Variants in CEP112 observed in about 807,000 individuals in gnomAD.
The protein encoded by CEP112 is centrosomal protein 112, also known as centrosomal protein of 112 kDa.
Under a neutral mutation model 153.0 loss-of-function variants are expected in CEP112, and 127 were observed. The observed-to-expected ratio is 0.83, with a 90% CI of 0.72 to 0.96. CEP112 has a LOEUF of 0.96. Ranked by LOEUF, CEP112 falls within the 40% of genes least tolerant of loss-of-function variation. CEP112 has a pLI of 0.00. For missense variants in CEP112, 1,089 were observed against 1,101.2 expected (o/e 0.99, Z 0.16); for synonymous variants, 358 against 374.4 (o/e 0.96, Z 0.51).
intron 21 of CEP112, among the ~76,000 whole-genome samples, chr17:65,828,493 C>T (rs1446768855): frequency 6.6e-6 from 1 of 152,188 alleles, no homozygotes; most frequent in Non-Finnish European, 1.5e-5. Context: ...TCTCACTAGT[C>T]AGCCTAGGTT....
chr17:65,724,240 T>C (rs2050051966), intron 23 of CEP112, among the ~76,000 whole-genome samples: 1 of 152,190 alleles, frequency 6.6e-6, no homozygotes, highest in Non-Finnish European at 1.5e-5. Flanking sequence ...CTGGTCTTTT[T>C]GGGTGGCAGG....
intron 5 of CEP112, among the ~76,000 whole-genome samples, chr17:66,130,688 A>G (rs1268812239): frequency 6.8e-6 from 1 of 146,680 alleles, no homozygotes; most frequent in Non-Finnish European, 1.5e-5. Context: ...AGGCAGGAGA[A>G]TGGTGTGAAC....
chr17:66,051,910 C>G (rs2319117), intron 12 of CEP112, among the ~76,000 whole-genome samples: 1 of 151,940 alleles, frequency 6.6e-6, no homozygotes, highest in Non-Finnish European at 1.5e-5. Flanking sequence ...ATCATTAATT[C>G]AAAAATGCAT....
chr17:66,080,767 G>T (rs2067683285), intron 8 of CEP112, among the ~76,000 whole-genome samples: 1 of 152,082 alleles, frequency 6.6e-6, no homozygotes, highest in Admixed American at 6.5e-5. Flanking sequence ...CAACCCAAAT[G>T]CCCATCAATG....
chr17:65,873,378 C>T (rs2058726348), intron 20 of CEP112: 1 of 152,164 alleles, frequency 6.6e-6, no homozygotes, highest in African/African-American at 2.4e-5. Flanking sequence ...GCTTTAACTA[C>T]CTGGACTCTT....
At chr17:65,649,073 A>C (rs866861289) in intron 24 of CEP112, among the ~76,000 whole-genome samples, 37 of 139,966 alleles carry the variant, frequency 2.6e-4, no homozygotes, top group Middle Eastern at 3.8e-3. Context: ...CAAACAAACA[A>C]ACACACACAC....
chr17:65,832,627 C>T (rs1380309075), intron 21 of CEP112, among the ~76,000 whole-genome samples: 1 of 151,258 alleles, frequency 6.6e-6, no homozygotes, highest in African/African-American at 2.5e-5. Context: ...TTCCTGGACA[C>T]ATACATCCTG....
intron 8 of CEP112, among the ~76,000 whole-genome samples, chr17:66,090,587 A>G (rs180686097): frequency 2.2e-4 from 33 of 152,210 alleles, no homozygotes; most frequent in African/African-American, 7.9e-4. Flanking sequence ...GCATACCACT[A>G]CAGAAATTCA....
intron 12 of CEP112, 79 bp from the exon 13 acceptor site, chr17:66,030,102 C>A: frequency 2.6e-6 from 3 of 1,137,794 alleles, no homozygotes; most frequent in Admixed American, 2.3e-5. Flanking sequence ...TTGAGGAACA[C>A]GTATAATCTA....
At chr17:65,678,785 T>C (rs1262857668) in intron 24 of CEP112, among the ~76,000 whole-genome samples, 2 of 152,174 alleles carry the variant, frequency 1.3e-5, no homozygotes, top group Non-Finnish European at 1.5e-5. Context: ...ATTTGATATG[T>C]CAGCAAAGCA....
At chr17:65,845,045 T>A (rs978300225) in intron 21 of CEP112, among the ~76,000 whole-genome samples, 1 of 151,910 alleles carries the variant, frequency 6.6e-6, no homozygotes, top group Non-Finnish European at 1.5e-5. Flanking sequence ...AAAGGCCGGA[T>A]GAGGTGGCTC....
At chr17:66,181,033 GTAAA>G (rs1156899577) in intron 2 of CEP112, among the ~76,000 whole-genome samples, 1 of 152,082 alleles carries the variant, frequency 6.6e-6, no homozygotes, top group Non-Finnish European at 1.5e-5. Context: ...ATAAACTTAA[GTAAA>G]TAGTTTTTCA....
intron 24 of CEP112, among the ~76,000 whole-genome samples, chr17:65,651,204 C>T (rs2045754012): frequency 6.6e-6 from 1 of 152,168 alleles, no homozygotes; most frequent in Admixed American, 6.5e-5. Context: ...TTTTCCATCC[C>T]TGAGTTACTT....
chr17:66,107,181 C>T (rs574456076), intron 6 of CEP112, among the ~76,000 whole-genome samples: 11 of 152,114 alleles, frequency 7.2e-5, no homozygotes, highest in African/African-American at 2.6e-4. Flanking sequence ...ACCCACAGCT[C>T]ATATCTATAT....
At chr17:66,155,461 T>A (rs4369719) in intron 4 of CEP112, among the ~76,000 whole-genome samples, 24,437 of 151,420 alleles carry the variant, frequency 0.16, 3,225 homozygotes, top group East Asian at 0.73. Flanking sequence ...CAAAACTGGG[T>A]GGCTGTTTGG....
At chr17:65,820,100 A>C (rs1405390359) in intron 21 of CEP112, among the ~76,000 whole-genome samples, 3 of 152,104 alleles carry the variant, frequency 2.0e-5, no homozygotes, top group African/African-American at 7.2e-5. Flanking sequence ...AAAGTTTAAA[A>C]ACAAAAATGT....
intron 12 of CEP112, among the ~76,000 whole-genome samples, chr17:66,051,653 G>A (rs1053692331): frequency 3.3e-5 from 5 of 152,078 alleles, no homozygotes; most frequent in Admixed American, 2.0e-4. Flanking sequence ...AGGGTGCAAG[G>A]TAACACACTC....
In CEP112 at chr17:66,066,839, T is replaced by C. The variant is rs755041322; in HGVS notation, c.894A>G (p.Lys298=). The C allele has an allele frequency of 2.8e-5, 44 of 1,548,494 alleles. No homozygotes were observed. The Admixed American group carries it at 9.3e-4, about 33-fold the overall frequency. ...ERKNNEIEEL[K]TLYRSKQHET... ...CATGTTGTTTACTCCTGTATAAAGTTTTCAGTTCTTCTATTTCATTATTCT... is the reference window on the plus strand; with the variant it reads ...CATGTTGTTTACTCCTGTATAAAGTCTTCAGTTCTTCTATTTCATTATTCT... The change falls in exon 10 of 27, where the codon AAA becomes AAG. Residue 298 remains lysine (K), a synonymous_variant. Coordinates refer to ENST00000535342, the MANE Select transcript of CEP112 (RefSeq NM_001199165.4).
intron 5 of CEP112, among the ~76,000 whole-genome samples, chr17:66,132,206 C>CAAAAAAA (rs2070214653): frequency 1.2e-5 from 1 of 80,162 alleles, no homozygotes; most frequent in African/African-American, 5.4e-5. Flanking sequence ...AAAAAAAAAG[C>CAAAAAAA]TAACTGGAGT....
Sources: gnomAD v4.1 joint callset for allele counts (sites outside exome capture counted in the v4.1 genomes callset) on GRCh38, gnomAD v4.1.1 for gene constraint, MANE v1.5 for transcripts, NCBI Gene and HGNC (gene_info 2026-07-23, HGNC 2026-07-21) for gene names.